Variants in IFT140 observed in about 807,000 individuals in gnomAD.
IFT140 encodes intraflagellar transport protein 140 homolog.
A neutral mutation model predicts 164.6 loss-of-function variants in IFT140; 133 were observed. The observed-to-expected ratio is 0.81, with a 90% CI of 0.70 to 0.93. The LOEUF (loss-of-function observed/expected upper bound fraction) is 0.93, where lower values mean the gene tolerates loss of function less well. Ranked by LOEUF, IFT140 falls within the 40% of genes least tolerant of loss-of-function variation. The pLI, the probability that IFT140 is intolerant of heterozygous loss-of-function variation, is 0.00. For missense variants in IFT140, 2,045 were observed against 1,972.3 expected, an observed-to-expected ratio of 1.04 and a Z score of -0.70; for synonymous variants, 860 against 817.3, an observed-to-expected ratio of 1.05 and a Z score of -0.89.
chr16:1,554,996 G>A, intron 19 of IFT140: 1 of 1,613,146 alleles, frequency 6.2e-7, no homozygotes, highest in East Asian at 2.2e-5. Flanking sequence ...GCCGTGGGCT[G>A]GACAATGACT....
Position 1,553,655 on chromosome 16 carries a change from T to A in IFT140, c.2399+4280A>T. 1.0e-6 allele frequency: 1 copy of A among 1,001,944 alleles called. No individual in the cohort carries two copies. The highest frequency in any genetic ancestry group is 3.2e-5 in the South Asian group (1 of 31,692). The allele number at this position is 1,001,944 out of a possible 1,614,324, so 62.1% of individuals were successfully genotyped here. On this transcript the variant is annotated intron_variant, in intron 19 of 30. Transcript: ENST00000426508. This position sits in a 1 kb window ranked among gnomAD's most constrained non-coding sequence, Gnocchi z 4.4. ...TACTGTAACAGAGAGGGAGGGGTGCTGGGTGGGCAGAAGCGGGGCTGGGGC... is the reference window on the plus strand; with the variant it reads ...TACTGTAACAGAGAGGGAGGGGTGCAGGGTGGGCAGAAGCGGGGCTGGGGC...
intron 15 of IFT140, among the ~76,000 whole-genome samples, chr16:1,567,226 C>T (rs1166475296): frequency 1.3e-5 from 2 of 152,156 alleles, no homozygotes; most frequent in African/African-American, 4.8e-5. Flanking sequence ...GGCATCTGCA[C>T]CCACCGACCC....
rs527511595 is a variant in IFT140 at position 1,564,512 on chromosome 16, C to T, written c.1902-350G>A. Reference sequence around the variant, plus strand: ...CCAACCTCGAGGTGGGATGGCACCCCCTGCTGGGCGGGGTCGAGGCTTTGG... The same window carrying T: ...CCAACCTCGAGGTGGGATGGCACCCTCTGCTGGGCGGGGTCGAGGCTTTGG... On this transcript the variant is annotated intron_variant, in intron 16 of 30. Transcript: ENST00000426508. This position sits in a 1 kb window ranked among gnomAD's most constrained non-coding sequence, Gnocchi z 5.5. Among the ~76,000 whole-genome samples the T allele has an allele frequency of 1.4e-4, 21 of 152,314 alleles. No individual in the cohort carries two copies. The highest frequency in any genetic ancestry group is 3.4e-3 in the Middle Eastern group (1 of 294).
Position 1,590,221 on chromosome 16 carries a change from AAT to A in IFT140, c.635-443_635-442del, listed in dbSNP as rs1555493106. On this transcript the variant is annotated intron_variant, in intron 6 of 30. Coordinates refer to ENST00000426508, the MANE Select transcript of IFT140 (RefSeq NM_014714.4). Reference sequence around the variant, plus strand: ...GTCTCAAAAAAAAAAAAAAAAAAAAAATTAAAAATGAAGCATGTGACCTGACC... The same window carrying A: ...GTCTCAAAAAAAAAAAAAAAAAAAAATAAAAATGAAGCATGTGACCTGACC... 6.3e-3 allele frequency among the ~76,000 whole-genome samples: 941 copies of A among 149,390 alleles called. 4 individuals are homozygous for A. The highest frequency in any genetic ancestry group is 0.014 in the Middle Eastern group (4 of 284).
chr16:1,516,787 A>T (rs2141127613), intron 30 of IFT140, among the ~76,000 whole-genome samples: 1 of 151,678 alleles, frequency 6.6e-6, no homozygotes, highest in Non-Finnish European at 1.5e-5. Flanking sequence ...AAAAAAAAAA[A>T]AAATCAACTA....
chr16:1,607,426 C>G (rs192659105), intron 2 of IFT140, 129 bp from the exon 3 acceptor site: 6 of 761,534 alleles, frequency 7.9e-6, no homozygotes, highest in South Asian at 5.8e-5. Context: ...CTTGAAAATG[C>G]CTTGCGGACT....
rs373191298 is a variant in IFT140 at position 1,580,804 on chromosome 16, G to A, written c.1479C>T (p.Asn493=). The A allele has an allele frequency of 5.4e-5, 87 of 1,613,854 alleles. No homozygotes were observed. The highest frequency in any genetic ancestry group is 6.9e-5 in the Non-Finnish European group (81 of 1,179,910). The change falls in exon 13 of 31, where the codon AAC becomes AAT. Residue 493 remains asparagine (N), a synonymous_variant. Coordinates refer to ENST00000426508, the MANE Select transcript of IFT140 (RefSeq NM_014714.4). ...CTCGGTTTGACTCCACCGTGTAAACGTTTTCTTCATGCATTGCTAACACAG... is the reference window on the plus strand; with the variant it reads ...CTCGGTTTGACTCCACCGTGTAAACATTTTCTTCATGCATTGCTAACACAG... ...ETPVLAMHEE[N]VYTVESNRVQ... is the part of the protein sequence containing the mutation.
At chr16:1,550,276 G>A (rs2032526357) in intron 19 of IFT140, among the ~76,000 whole-genome samples, 1 of 152,328 alleles carries the variant, frequency 6.6e-6, no homozygotes, top group Non-Finnish European at 1.5e-5. Flanking sequence ...GTTCTTGGAA[G>A]CAGACAGATG....
At chr16:1,569,894 A>T (rs1384949408) in intron 14 of IFT140, among the ~76,000 whole-genome samples, 1 of 151,744 alleles carries the variant, frequency 6.6e-6, no homozygotes, top group East Asian at 1.9e-4. Flanking sequence ...AGAAAAAAAA[A>T]AAATAATAAA....
At chr16:1,524,032 C>G (rs79271319) in intron 24 of IFT140, 76 bp from the exon 25 acceptor site, 2 of 1,551,518 alleles carry the variant, frequency 1.3e-6, no homozygotes, top group Admixed American at 3.7e-5. Context: ...GGAATGTGGC[C>G]GGGTGCGAAC....
At position 1,510,466 on chromosome 16, in the gene IFT140, T is replaced by G; in HGVS notation, c.*478A>C. On this transcript the variant is annotated 3_prime_UTR_variant, in exon 31 of 31. Coordinates refer to ENST00000426508, the MANE Select transcript of IFT140 (RefSeq NM_014714.4). ...CTGCTTTATTGGAATTACAGGAGTG[T>G]TGGTGGCCGGTGGGCAGAGCCTAGC... 4.4e-6 allele frequency: 1 copy of G among 228,744 alleles called. No homozygotes were observed. The highest frequency in any genetic ancestry group is 8.7e-6 in the Non-Finnish European group (1 of 114,670). 14.2% of individuals were successfully genotyped at this position (228,744 alleles called of 1,614,324 possible). A position where few individuals can be genotyped will look rare whatever the true frequency, so the allele number is the denominator to read the frequency against.
At position 1,511,061 on chromosome 16, in the gene IFT140, G is replaced by T. The variant is rs781658694; in HGVS notation, c.4272C>A (p.His1424Gln). ...YVSPQAVDAVHRGLGLPLPRT... is the reference protein window; with the variant it reads ...YVSPQAVDAVQRGLGLPLPRT... ...GTGGCAGTGGGAGACCCAGCCCCCGGTGCACGGCGTCCACGGCCTGCGGGC... is the reference window on the plus strand; with the variant it reads ...GTGGCAGTGGGAGACCCAGCCCCCGTTGCACGGCGTCCACGGCCTGCGGGC... The change falls in exon 31 of 31, where the codon CAC becomes CAA. Residue 1424 changes from histidine to glutamine, a missense_variant. By Grantham distance (24) the His-to-Gln change is conservative (BLOSUM62 0). Coordinates refer to ENST00000426508, the MANE Select transcript of IFT140 (RefSeq NM_014714.4). 2.2e-5 allele frequency: 36 copies of T among 1,608,020 alleles called. No homozygotes were observed. The highest frequency in any genetic ancestry group is 3.1e-5 in the Non-Finnish European group (36 of 1,177,320).
intron 19 of IFT140, among the ~76,000 whole-genome samples, chr16:1,554,440 G>A (rs2032925911): frequency 6.6e-6 from 1 of 152,228 alleles, no homozygotes; most frequent in Non-Finnish European, 1.5e-5. Context: ...GTGCTGACCT[G>A]AAGAAAAGGC....
At chr16:1,542,116 C>G in intron 19 of IFT140, 1 of 1,531,156 alleles carries the variant, frequency 6.5e-7, no homozygotes, top group Non-Finnish European at 8.8e-7. Context: ...GCCCTTGCCC[C>G]CTGTGGCCTT....
chr16:1,538,552 C>G (rs1195837846), intron 19 of IFT140, among the ~76,000 whole-genome samples: 1 of 152,176 alleles, frequency 6.6e-6, no homozygotes, highest in Non-Finnish European at 1.5e-5. Context: ...GGGCAGAGCG[C>G]AGAGCCCTGG....
intron 4 of IFT140, among the ~76,000 whole-genome samples, chr16:1,597,830 CAGGCT>C (rs910899444): frequency 6.6e-6 from 1 of 152,122 alleles, no homozygotes; most frequent in Admixed American, 6.5e-5. Context: ...CTATGTTGCC[CAGGCT>C]AGACTCAAAC....
intron 4 of IFT140, among the ~76,000 whole-genome samples, chr16:1,600,605 T>A (rs916087527): frequency 6.6e-6 from 1 of 152,110 alleles, no homozygotes; most frequent in African/African-American, 2.4e-5. Flanking sequence ...AACATTCATA[T>A]AAAGAAGAGC....
In IFT140 at chr16:1,592,191, C is replaced by G. The variant is rs762037726; in HGVS notation, c.619G>C (p.Val207Leu). Reference protein sequence around the residue: ...MGSHEGLLFFVSLMDGTVHYV... With the variant: ...MGSHEGLLFFLSLMDGTVHYV... Reference sequence around the variant, plus strand: ...AGTTCCTCACCGTCCATCAGACTGACAAAGAACAACAGCCCCTCGTGAGAC... The same window carrying G: ...AGTTCCTCACCGTCCATCAGACTGAGAAAGAACAACAGCCCCTCGTGAGAC... The change falls in exon 6 of 31, where the codon GTC (valine) becomes CTC (leucine). Residue 207 changes from valine (V) to leucine (L), a missense_variant. By Grantham distance (32) the Val-to-Leu change is conservative (BLOSUM62 1). Coordinates refer to ENST00000426508, the MANE Select transcript of IFT140 (RefSeq NM_014714.4). 1 of 1,614,192 alleles carries G rather than the reference C, an allele frequency of 6.2e-7. No individual in the cohort carries two copies. The highest frequency in any genetic ancestry group is 1.7e-5 in the Admixed American group (1 of 60,032).
Position 1,543,012 on chromosome 16 carries a change from G to A in IFT140, c.2399+14923C>T, listed in dbSNP as rs1322583193. 2.0e-5 allele frequency among the ~76,000 whole-genome samples: 3 copies of A among 152,240 alleles called. No individual in the cohort carries two copies. In the East Asian group the frequency reaches 5.8e-4, roughly 29 times the overall value. ...AGCCATGACCCCCAGCGACCCCAGG[G>A]GGCTCTGCTGGTCTTCTGTGGCTGA... On this transcript the variant is annotated intron_variant, in intron 19 of 30. Coordinates refer to ENST00000426508, the MANE Select transcript of IFT140 (RefSeq NM_014714.4).
Sources: allele counts gnomAD v4.1 joint callset (sites outside exome capture counted in the v4.1 genomes callset), GRCh38; gene constraint gnomAD v4.1.1; non-coding constraint Gnocchi (gnomAD v3.1); transcripts MANE v1.5; gene names NCBI Gene and HGNC (gene_info 2026-07-23, HGNC 2026-07-21).